Variants in JPH3 observed in about 807,000 individuals in gnomAD.
JPH3 encodes the protein junctophilin 3.
Under a neutral mutation model 59.6 loss-of-function variants are expected in JPH3, and 11 were observed. The observed-to-expected ratio is 0.18, with a 90% CI of 0.12 to 0.31. The LOEUF (loss-of-function observed/expected upper bound fraction) is 0.31. Ranked by LOEUF, JPH3 falls within the 10% of genes least tolerant of loss-of-function variation. JPH3 has a pLI of 1.00. For synonymous variants in JPH3, 673 were observed against 483.6 expected, an observed-to-expected ratio of 1.39 and a Z score of -5.14; for missense variants, 1,202 against 1,105.7, an observed-to-expected ratio of 1.09 and a Z score of -1.24.
intron 3 of JPH3, among the ~76,000 whole-genome samples, chr16:87,689,348 C>T (rs143909488): frequency 7.8e-4 from 119 of 152,328 alleles, no homozygotes; most frequent in African/African-American, 2.5e-3. Flanking sequence ...AGCGTCCTCA[C>T]GCACTTTCCG....
chr16:87,619,315 G>GAA lies in JPH3; in HGVS notation c.382+15800_382+15801dup, dbSNP rs547047794. 5.7e-3 allele frequency among the ~76,000 whole-genome samples: 796 copies of GAA among 140,434 alleles called. 2 individuals carry two copies. Among genetic ancestry groups the GAA allele is most frequent in the African/African-American group, 0.013 (476 of 37,882 alleles). The allele number at this position is 140,434 out of a possible 152,430, so 92.1% of individuals were successfully genotyped here. ...GTGACAGAGCGAGACCCTGTCTTAA[G>GAA]AAAAAAAAAAAAAAGAAGGATTATT... On this transcript the variant is annotated intron_variant, in intron 1 of 4. Coordinates refer to ENST00000284262, the MANE Select transcript of JPH3 (RefSeq NM_020655.4).
At chr16:87,650,879 A>G (rs1201130690) in intron 2 of JPH3, among the ~76,000 whole-genome samples, 1 of 152,236 alleles carries the variant, frequency 6.6e-6, no homozygotes, top group African/African-American at 2.4e-5. Flanking sequence ...GGTTACCCAG[A>G]AGATCTGGCT....
intron 2 of JPH3, among the ~76,000 whole-genome samples, chr16:87,647,759 G>A (rs1410631739): frequency 1.3e-5 from 2 of 152,222 alleles, no homozygotes; most frequent in African/African-American, 4.8e-5. Context: ...ATGCGCACCT[G>A]TGGAGCCAGG....
At chr16:87,620,523 G>A (rs1159715327) in intron 1 of JPH3, among the ~76,000 whole-genome samples, 1 of 128,118 alleles carries the variant, frequency 7.8e-6, no homozygotes, top group Non-Finnish European at 1.7e-5. Context: ...AGGGAGAGGG[G>A]TGGGCTGTGA....
chr16:87,666,022 C>T (rs1409343871), intron 2 of JPH3, among the ~76,000 whole-genome samples: 1 of 152,154 alleles, frequency 6.6e-6, no homozygotes, highest in Non-Finnish European at 1.5e-5. Context: ...TGGGGCAGAT[C>T]AGCAAATGGT....
At chr16:87,626,332 C>T (rs1337021943) in intron 1 of JPH3, among the ~76,000 whole-genome samples, 1 of 152,184 alleles carries the variant, frequency 6.6e-6, no homozygotes, top group Non-Finnish European at 1.5e-5. Context: ...ACCCTGGTGG[C>T]TTAGCACAGA....
At chr16:87,648,780 G>C (rs1005448438) in intron 2 of JPH3, among the ~76,000 whole-genome samples, 1 of 152,168 alleles carries the variant, frequency 6.6e-6, no homozygotes, top group Non-Finnish European at 1.5e-5. Flanking sequence ...CCCAGTGTTC[G>C]GAGCCTTCGA....
At chr16:87,672,503 C>T (rs549551703) in intron 2 of JPH3, among the ~76,000 whole-genome samples, 7 of 152,322 alleles carry the variant, frequency 4.6e-5, no homozygotes, top group Admixed American at 6.5e-5. Context: ...CCGCACATGA[C>T]GGGGGTGGAC....
At chr16:87,604,310 TGC>T in intron 1 of JPH3, 1 of 1,467,552 alleles carries the variant, frequency 6.8e-7, no homozygotes, top group Non-Finnish European at 9.1e-7. Flanking sequence ...CTGCTGCTGC[TGC>T]TGCTGCTGCT....
chr16:87,642,847 A>G (rs1597255852), intron 1 of JPH3, among the ~76,000 whole-genome samples: 1 of 152,234 alleles, frequency 6.6e-6, no homozygotes, highest in Admixed American at 6.5e-5. Context: ...AGAGCAAGAC[A>G]TGGGCCCAGG....
chr16:87,656,996 C>G (rs1416222696), intron 2 of JPH3, among the ~76,000 whole-genome samples: 1 of 152,088 alleles, frequency 6.6e-6, no homozygotes, highest in Non-Finnish European at 1.5e-5. Context: ...AGATTAGGGC[C>G]CCACCCATAT....
chr16:87,666,535 G>C (rs1309356356), intron 2 of JPH3, among the ~76,000 whole-genome samples: 1 of 152,002 alleles, frequency 6.6e-6, no homozygotes, highest in African/African-American at 2.4e-5. Context: ...GCAACTACAG[G>C]TGTGCACCAC....
intron 2 of JPH3, 98 bp downstream of exon 2, chr16:87,645,133 G>C (rs2032103216): frequency 2.3e-6 from 3 of 1,301,420 alleles, no homozygotes; most frequent in South Asian, 2.9e-5. Context: ...CCTTGGGCTA[G>C]GCCCAGTTTG....
chr16:87,647,547 C>A (rs2032192264), intron 2 of JPH3, among the ~76,000 whole-genome samples: 1 of 152,208 alleles, frequency 6.6e-6, no homozygotes, highest in African/African-American at 2.4e-5. Context: ...CTGGCGGAGT[C>A]CGAGCTGACT....
rs563390121 is a variant in JPH3, at chr16:87,694,798, T to C, written c.2167-1782T>C. ...CCATCACCTTAAACCTCAGGGCCATTGAGCAGGCACTTGCTGTCCCCTCCT... is the reference window on the plus strand; with the variant it reads ...CCATCACCTTAAACCTCAGGGCCATCGAGCAGGCACTTGCTGTCCCCTCCT... On this transcript the variant is annotated intron_variant, in intron 4 of 4. Transcript: ENST00000284262. The C allele has an allele frequency of 2.0e-3, 371 of 190,172 alleles. 2 individuals are homozygous for C. Among genetic ancestry groups the C allele is most frequent in the African/African-American group, 8.5e-3 (357 of 42,200 alleles). The allele number at this position is 190,172 out of a possible 1,614,324, so 11.8% of individuals were successfully genotyped here.
intron 2 of JPH3, among the ~76,000 whole-genome samples, chr16:87,668,667 C>A (rs542775848): frequency 2.0e-5 from 3 of 152,176 alleles, no homozygotes; most frequent in Non-Finnish European, 4.4e-5. Context: ...CTCTTCTTGG[C>A]GGAGTCTGGC....
chr16:87,685,448 C>G (rs1426067016), intron 3 of JPH3, among the ~76,000 whole-genome samples: 1 of 152,264 alleles, frequency 6.6e-6, no homozygotes, highest in Non-Finnish European at 1.5e-5. Flanking sequence ...GCCCTCAGGC[C>G]CTGAGTTTCC....
intron 2 of JPH3, among the ~76,000 whole-genome samples, chr16:87,667,710 G>C (rs952632149): frequency 6.6e-6 from 1 of 152,218 alleles, no homozygotes; most frequent in Non-Finnish European, 1.5e-5. Flanking sequence ...GCTTCCCCTG[G>C]TGTAGGATCA....
upstream of JPH3, chr16:87,602,026 G>C (rs1324512850): frequency 6.6e-6 from 1 of 152,324 alleles, no homozygotes; most frequent in East Asian, 2.0e-4. Context: ...GGTTTGCAAA[G>C]GGCCTCAGTC....
Sources: allele counts gnomAD v4.1 joint callset (sites outside exome capture counted in the v4.1 genomes callset), GRCh38; gene constraint gnomAD v4.1.1; transcripts MANE v1.5; gene names NCBI Gene and HGNC (gene_info 2026-07-23, HGNC 2026-07-21).